The following FBXW4 variants were observed in gnomAD, a reference collection of about 807,000 sequenced individuals.
FBXW4 encodes the protein F-box/WD repeat-containing protein 4.
In FBXW4, 40 loss-of-function variants were observed where a neutral mutation model predicts 61.8. The ratio of observed to expected loss-of-function variants is 0.65; its 90% CI spans 0.50 to 0.84. FBXW4 has a LOEUF of 0.84. Among genes scored for constraint, FBXW4 ranks in the 40% least tolerant of loss-of-function variants. The probability of loss-of-function intolerance (pLI) is 0.00; values close to 1 mark genes in which losing one functional copy is unlikely to be tolerated. For synonymous variants in FBXW4, 311 were observed against 313.8 expected (o/e 0.99, Z 0.10); for missense variants, 672 against 753.8 (o/e 0.89, Z 1.27).
intron 5 of FBXW4, among the ~76,000 whole-genome samples, chr10:101,628,348 C>A (rs2063923713): frequency 6.6e-6 from 1 of 152,208 alleles, no homozygotes; most frequent in African/African-American, 2.4e-5. Context: ...TGGTGGCTCC[C>A]CAGGTAGGCT....
intron 5 of FBXW4, among the ~76,000 whole-genome samples, chr10:101,646,857 C>T (rs2064103640): frequency 6.6e-6 from 1 of 152,168 alleles, no homozygotes; most frequent in Non-Finnish European, 1.5e-5. Context: ...TCATAAATAG[C>T]CTACAGTGAT....
chr10:101,622,677 G>A (rs1023134836), intron 6 of FBXW4, among the ~76,000 whole-genome samples: 12 of 139,270 alleles, frequency 8.6e-5, no homozygotes, highest in African/African-American at 3.2e-4. Flanking sequence ...GCAGTGAGCT[G>A]AGATCACGCC....
intron 5 of FBXW4, among the ~76,000 whole-genome samples, chr10:101,654,931 C>T (rs775622869): frequency 6.6e-6 from 1 of 152,190 alleles, no homozygotes. Flanking sequence ...TCAAGCAGTC[C>T]CCCCACCTCA....
At position 101,615,101 on chromosome 10, in the gene FBXW4, C is replaced by T. The variant is rs147494591; in HGVS notation, c.1302-2624G>A. On this transcript the variant is annotated intron_variant, in intron 6 of 8. Transcript: ENST00000331272. ...AACGATTAGATTGCAATTTGTATAA[C>T]GTGGTGACCCCCCAAATTCAGACAT... Among the ~76,000 whole-genome samples the T allele has an allele frequency of 6.8e-3, 1,042 of 152,272 alleles. 15 individuals are homozygous for T. Among genetic ancestry groups the T allele is most frequent in the African/African-American group, 0.02 (838 of 41,556 alleles).
intron 1 of FBXW4, among the ~76,000 whole-genome samples, chr10:101,690,322 A>G (rs2064583252): frequency 6.6e-6 from 1 of 152,196 alleles, no homozygotes; most frequent in Non-Finnish European, 1.5e-5. Context: ...TTTAGGGAAA[A>G]TTTGAAAGAC....
chr10:101,668,329 T>C (rs903612347), intron 4 of FBXW4, among the ~76,000 whole-genome samples: 1 of 152,186 alleles, frequency 6.6e-6, no homozygotes, highest in African/African-American at 2.4e-5. Flanking sequence ...TTTCCTGTAT[T>C]TGTGGATTTT....
intron 5 of FBXW4, among the ~76,000 whole-genome samples, chr10:101,664,335 C>G (rs1461937327): frequency 6.6e-6 from 1 of 152,164 alleles, no homozygotes; most frequent in East Asian, 1.9e-4. Context: ...GAGAAAAGAG[C>G]TGTGCTAGGT....
rs1429120477 is a variant in FBXW4 at position 101,637,411 on chromosome 10, A to G, written c.1236-12601T>C. Among the ~76,000 whole-genome samples, 22 of 127,966 alleles carry G rather than the reference A, an allele frequency of 1.7e-4. No individual in the cohort carries two copies. In the Admixed American group the frequency reaches 1.7e-3, roughly 10 times the overall value. 84.0% of individuals were successfully genotyped at this position (127,966 alleles called of 152,430 possible). A position where few individuals can be genotyped will look rare whatever the true frequency, so the allele number is the denominator to read the frequency against. On this transcript the variant is annotated intron_variant, in intron 5 of 8. Coordinates refer to ENST00000331272, the MANE Select transcript of FBXW4 (RefSeq NM_022039.4). ...CGTCTCAAAAAAAAAAAAAAAAAAAAAAAAAGCCACCATGAGCCAGGCATA... is the reference window on the plus strand; with the variant it reads ...CGTCTCAAAAAAAAAAAAAAAAAAAGAAAAAGCCACCATGAGCCAGGCATA...
intron 5 of FBXW4, among the ~76,000 whole-genome samples, chr10:101,647,485 C>G (rs1407387492): frequency 6.6e-6 from 1 of 152,180 alleles, no homozygotes; most frequent in Non-Finnish European, 1.5e-5. Context: ...AAGTGTAGTT[C>G]CACCCACTCA....
chr10:101,673,267 A>G (rs1564922677), intron 3 of FBXW4, among the ~76,000 whole-genome samples: 1 of 152,194 alleles, frequency 6.6e-6, no homozygotes, highest in African/African-American at 2.4e-5. Context: ...CCCCTGGAGA[A>G]TATCAAAACC....
chr10:101,633,507 G>A (rs1215794721), intron 5 of FBXW4, among the ~76,000 whole-genome samples: 1 of 152,048 alleles, frequency 6.6e-6, no homozygotes, highest in East Asian at 1.9e-4. Flanking sequence ...GATGATGGGT[G>A]GATGGGTACA....
chr10:101,657,844 T>G (rs2064203439), intron 5 of FBXW4, among the ~76,000 whole-genome samples: 1 of 152,160 alleles, frequency 6.6e-6, no homozygotes. Flanking sequence ...AAAATTCTAG[T>G]CAGCAAAGCA....
chr10:101,685,822 C>T (rs894299492), intron 1 of FBXW4, among the ~76,000 whole-genome samples: 1 of 152,166 alleles, frequency 6.6e-6, no homozygotes, highest in Non-Finnish European at 1.5e-5. Context: ...TTTTGATAGA[C>T]ATTGCTTAGG....
rs1304205339 is a variant in FBXW4, at chr10:101,694,260, T to G, written c.725+121A>C. ...GGAAAGGGTGTAGGCGGAGGTCAGG[T>G]GTAGGCCTAGAAACTCGGGGTGCGA... On this transcript the variant is annotated intron_variant, in intron 1 of 8. Transcript: ENST00000331272. The surrounding 1 kb of genome is among the most constrained non-coding windows in gnomAD (Gnocchi z 6.0). The G allele has an allele frequency of 3.2e-6, 3 of 932,920 alleles. No homozygotes were observed. The highest frequency in any genetic ancestry group is 4.3e-6 in the Non-Finnish European group (3 of 693,512). 57.8% of individuals were successfully genotyped at this position (932,920 alleles called of 1,614,324 possible).
At chr10:101,680,587 C>T (rs1429576098) in intron 1 of FBXW4, among the ~76,000 whole-genome samples, 2 of 152,164 alleles carry the variant, frequency 1.3e-5, no homozygotes, top group Non-Finnish European at 2.9e-5. Flanking sequence ...TTGGAGGAAA[C>T]ATCCCCCAAG....
At chr10:101,637,159 G>A (rs4919563) in intron 5 of FBXW4, among the ~76,000 whole-genome samples, 101,527 of 148,618 alleles carry the variant, frequency 0.68, 34,733 homozygotes, top group East Asian at 0.85. Flanking sequence ...TGAGGCGGGC[G>A]GATCACGAGG....
chr10:101,660,085 C>T (rs926653294), intron 5 of FBXW4: 83 of 985,244 alleles, frequency 8.4e-5, no homozygotes, highest in Admixed American at 1.2e-4. Flanking sequence ...GAAGGAAGGG[C>T]GGGAGGGGTC....
chr10:101,643,473 C>T (rs943744585), intron 5 of FBXW4, among the ~76,000 whole-genome samples: 2 of 152,240 alleles, frequency 1.3e-5, no homozygotes, highest in African/African-American at 4.8e-5. Context: ...CATGCAGCCG[C>T]GTTTGCTCCC....
At chr10:101,685,818 T>C (rs1327712258) in intron 1 of FBXW4, among the ~76,000 whole-genome samples, 2 of 152,248 alleles carry the variant, frequency 1.3e-5, no homozygotes, top group Non-Finnish European at 2.9e-5. Context: ...GGTATTTTGA[T>C]AGACATTGCT....
Sources: gnomAD v4.1 joint callset for allele counts (sites outside exome capture counted in the v4.1 genomes callset) on GRCh38, gnomAD v4.1.1 for gene constraint, Gnocchi (gnomAD v3.1) non-coding constraint, MANE v1.5 for transcripts, NCBI Gene and HGNC (gene_info 2026-07-23, HGNC 2026-07-21) for gene names.